Variants in PAK5 observed in about 807,000 individuals in gnomAD.
PAK5 encodes serine/threonine-protein kinase PAK 5.
In PAK5, 16 loss-of-function variants were observed where a neutral mutation model predicts 65.9. The observed-to-expected ratio is 0.24, with a 90% CI of 0.16 to 0.37. The LOEUF (loss-of-function observed/expected upper bound fraction) is 0.37, where lower values mean the gene tolerates loss of function less well. Ranked by LOEUF, PAK5 falls within the 10% of genes least tolerant of loss-of-function variation. The pLI is 1.00. For missense variants in PAK5, 785 were observed against 903.9 expected (o/e 0.87, Z 1.69); for synonymous variants, 371 against 354.9 (o/e 1.05, Z -0.51).
chr20:9,700,865 T>A (rs1030372657), intron 2 of PAK5, among the ~76,000 whole-genome samples: 3 of 152,118 alleles, frequency 2.0e-5, no homozygotes, highest in Non-Finnish European at 4.4e-5. Flanking sequence ...CCCCAGAAAA[T>A]CAGGTCACTT....
At chr20:9,550,161 G>A (rs182761109) in intron 7 of PAK5, among the ~76,000 whole-genome samples, 1 of 152,168 alleles carries the variant, frequency 6.6e-6, no homozygotes, top group African/African-American at 2.4e-5. Context: ...ATGTGCAGGG[G>A]TTCGGAAGTT....
Position 9,637,254 on chromosome 20 carries a change from G to T in PAK5, c.204+6871C>A, listed in dbSNP as rs145680774. Reference sequence around the variant, plus strand: ...CAAACTCCTGAACTCAAGCACTCTTGCTTTGGCCTCCCAGAGTGCTGGATT... The same window carrying T: ...CAAACTCCTGAACTCAAGCACTCTTTCTTTGGCCTCCCAGAGTGCTGGATT... On this transcript the variant is annotated intron_variant, in intron 3 of 9. Coordinates refer to ENST00000353224, the MANE Select transcript of PAK5 (RefSeq NM_177990.4). Among the ~76,000 whole-genome samples the T allele has an allele frequency of 3.2e-3, 484 of 152,246 alleles. 3 individuals carry two copies. Among genetic ancestry groups the T allele is most frequent in the African/African-American group, 0.011 (456 of 41,524 alleles).
intron 4 of PAK5, among the ~76,000 whole-genome samples, chr20:9,566,692 T>G (rs1029277298): frequency 6.6e-5 from 10 of 152,186 alleles, no homozygotes; most frequent in African/African-American, 2.4e-4. Context: ...AGCTAGCATT[T>G]TTGGGAGACA....
chr20:9,624,118 A>G (rs569490019), intron 3 of PAK5, among the ~76,000 whole-genome samples: 4 of 152,230 alleles, frequency 2.6e-5, no homozygotes, highest in Non-Finnish European at 5.9e-5. Context: ...ACAATAAAAT[A>G]TTGTAAGAAA....
chr20:9,555,075 T>C (rs1298331562), intron 7 of PAK5, among the ~76,000 whole-genome samples: 3 of 152,208 alleles, frequency 2.0e-5, no homozygotes, highest in Admixed American at 6.5e-5. Context: ...TGTTTATTTA[T>C]CTATTTGTTT....
chr20:9,799,885 G>A (rs1163900673), intron 1 of PAK5, among the ~76,000 whole-genome samples: 2 of 125,746 alleles, frequency 1.6e-5, no homozygotes, highest in Non-Finnish European at 3.1e-5. Context: ...AAGTTGTTGT[G>A]AGCCAAGACC....
rs557883453 is a variant in PAK5 at position 9,830,244 on chromosome 20, T to C, written c.-162+8518A>G. Among the ~76,000 whole-genome samples, 5 of 152,330 alleles carry C rather than the reference T, an allele frequency of 3.3e-5. No homozygotes were observed. The South Asian group carries it at 1.0e-3, about 32-fold the overall frequency. ...GTTTTAAGCACAAGTGAAGAACAAT[T>C]ACCTCTTTTTTCTCTTCCACTTACA... is the stretch of plus-strand genomic sequence containing the variant. On this transcript the variant is annotated intron_variant, in intron 1 of 9. Coordinates refer to ENST00000353224, the MANE Select transcript of PAK5 (RefSeq NM_177990.4).
chr20:9,646,984 A>G (rs1417038153), intron 2 of PAK5, among the ~76,000 whole-genome samples: 1 of 152,236 alleles, frequency 6.6e-6, no homozygotes, highest in African/African-American at 2.4e-5. Context: ...CACTTACAGA[A>G]TCAGGACACA....
intron 1 of PAK5, among the ~76,000 whole-genome samples, chr20:9,814,556 G>A (rs1438934102): frequency 6.6e-6 from 1 of 152,070 alleles, no homozygotes; most frequent in Non-Finnish European, 1.5e-5. Flanking sequence ...AACTATTAGA[G>A]TTTTTAGTTT....
intron 2 of PAK5, among the ~76,000 whole-genome samples, chr20:9,668,287 T>C (rs535687497): frequency 6.6e-6 from 1 of 152,212 alleles, no homozygotes; most frequent in Admixed American, 6.5e-5. Flanking sequence ...TATGTCTTTG[T>C]TTTTTCAGAG....
chr20:9,812,352 T>A (rs2049307294), intron 1 of PAK5, among the ~76,000 whole-genome samples: 1 of 151,974 alleles, frequency 6.6e-6, no homozygotes, highest in Admixed American at 6.6e-5. Context: ...AGAGAAGATG[T>A]ACAAATGGCA....
At chr20:9,746,683 T>C (rs2048512313) in intron 1 of PAK5, among the ~76,000 whole-genome samples, 1 of 151,978 alleles carries the variant, frequency 6.6e-6, no homozygotes, top group African/African-American at 2.4e-5. Flanking sequence ...AGAAACTTAT[T>C]TAATTAATTC....
chr20:9,761,253 A>G (rs2048696194), intron 1 of PAK5, among the ~76,000 whole-genome samples: 1 of 152,134 alleles, frequency 6.6e-6, no homozygotes, highest in Non-Finnish European at 1.5e-5. Flanking sequence ...ACACAGAAGG[A>G]CATCTCTGCT....
intron 6 of PAK5, among the ~76,000 whole-genome samples, chr20:9,562,171 T>C (rs2045601228): frequency 6.6e-6 from 1 of 152,216 alleles, no homozygotes. Context: ...GACATTTAGG[T>C]ATTCTTCTAT....
At chr20:9,755,486 C>T (rs1351338626) in intron 1 of PAK5, among the ~76,000 whole-genome samples, 2 of 152,174 alleles carry the variant, frequency 1.3e-5, no homozygotes, top group African/African-American at 4.8e-5. Context: ...CTTTGACCTG[C>T]CCTGCTGGCA....
intron 1 of PAK5, chr20:9,818,911 A>G (rs1015446119): frequency 6.6e-6 from 1 of 152,186 alleles, no homozygotes; most frequent in African/African-American, 2.4e-5. Flanking sequence ...CAGCCAAATA[A>G]CATATAGTAG....
chr20:9,602,475 G>T (rs1044225975), intron 3 of PAK5, among the ~76,000 whole-genome samples: 1 of 152,140 alleles, frequency 6.6e-6, no homozygotes, highest in Non-Finnish European at 1.5e-5. Context: ...TCTGGGATGT[G>T]CTTACTACAG....
chr20:9,803,082 C>T (rs1364702294), intron 1 of PAK5, among the ~76,000 whole-genome samples: 1 of 151,052 alleles, frequency 6.6e-6, no homozygotes, highest in Non-Finnish European at 1.5e-5. Context: ...CCTGAAGACA[C>T]TATTATTTGA....
At chr20:9,648,425 G>A (rs1361789266) in intron 2 of PAK5, among the ~76,000 whole-genome samples, 1 of 151,722 alleles carries the variant, frequency 6.6e-6, no homozygotes, top group Non-Finnish European at 1.5e-5. Flanking sequence ...CCCTTGCTTA[G>A]TCCATATTTA....
Sources: gnomAD v4.1 joint callset for allele counts (sites outside exome capture counted in the v4.1 genomes callset) on GRCh38, gnomAD v4.1.1 for gene constraint, MANE v1.5 for transcripts, NCBI Gene and HGNC (gene_info 2026-07-23, HGNC 2026-07-21) for gene names.